Variants in RIF1 observed in about 807,000 individuals in gnomAD.
RIF1 encodes telomere-associated protein RIF1.
A neutral mutation model predicts 247.1 loss-of-function variants in RIF1; 45 were observed. The ratio of observed to expected loss-of-function variants is 0.18; its 90% CI spans 0.14 to 0.23. The LOEUF is 0.23. Ranked by LOEUF, RIF1 falls within the 10% of genes least tolerant of loss-of-function variation. The pLI is 1.00. For missense variants in RIF1, 2,967 were observed against 2,862.5 expected, an observed-to-expected ratio of 1.04 and a Z score of -0.83; for synonymous variants, 1,087 against 978.8, an observed-to-expected ratio of 1.11 and a Z score of -2.06.
intron 9 of RIF1, among the ~76,000 whole-genome samples, chr2:151,432,561 T>G (rs1690357263): frequency 6.6e-6 from 1 of 152,224 alleles, no homozygotes; most frequent in Admixed American, 6.5e-5. Flanking sequence ...AATAATTGAT[T>G]TTTAAAATGA....
intron 24 of RIF1, 81 bp from the exon 25 acceptor site, chr2:151,458,730 T>G (rs1216295134): frequency 1.7e-6 from 1 of 603,458 alleles, no homozygotes; most frequent in Non-Finnish European, 2.8e-6. Flanking sequence ...CTCTAAAAAT[T>G]AAAGTGCTGT....
chr2:151,412,065 A>G (rs1253663644), intron 3 of RIF1, among the ~76,000 whole-genome samples: 1 of 152,088 alleles, frequency 6.6e-6, no homozygotes, highest in Non-Finnish European at 1.5e-5. Context: ...GGTAGCATTA[A>G]TTTCTTTTTC....
intron 6 of RIF1, among the ~76,000 whole-genome samples, chr2:151,418,928 A>G (rs1361209091): frequency 7.2e-6 from 1 of 138,144 alleles, no homozygotes; most frequent in Non-Finnish European, 1.6e-5. Flanking sequence ...GTGCAAACAT[A>G]TTTTCCCTCG....
chr2:151,493,123 G>A (rs1025653181), intron 9 of RIF1: 4 of 482,078 alleles, frequency 8.3e-6, no homozygotes, highest in Non-Finnish European at 1.5e-5. Context: ...GTTATGTTTA[G>A]TATGATGGTT....
chr2:151,523,453 C>G, the RIF1 span, among the ~76,000 whole-genome samples: 3 of 152,172 alleles, frequency 2.0e-5, no homozygotes, highest in African/African-American at 7.2e-5. Context: ...TATCCCAAAC[C>G]TATTTCTTCA....
chr2:151,496,630 G>GAGTACGGTGCCTCCT (rs1353983171), intron 10 of RIF1, among the ~76,000 whole-genome samples: 1 of 151,938 alleles, frequency 6.6e-6, no homozygotes, highest in Admixed American at 6.6e-5. Flanking sequence ...TCATTTTTGT[G>GAGTACGGTGCCTCCT]AGTACGGTGC....
At position 151,433,191 on chromosome 2, in the gene RIF1, T is replaced by C. The variant is rs745571349; in HGVS notation, c.1040T>C (p.Met347Thr). ...TKLEVWWYLL[M>T]RLGPHLPANF... ...CTAGAAGTCTGGTGGTATTTACTGA[T>C]GAGACTTGGACCTCATCTTCCTGCT... Residue 347 changes from methionine to threonine, a missense_variant, in exon 10 of 36, where the codon ATG (methionine) becomes ACG (threonine). Around this residue, in one of 7 missense-constraint regions of RIF1, gnomAD observed 71 missense variants for 132.9 expected, o/e 0.53. Transcript: ENST00000444746. The C allele has an allele frequency of 4.8e-5, 78 of 1,613,194 alleles. No individual in the cohort carries two copies. Among genetic ancestry groups the C allele is most frequent in the Non-Finnish European group, 6.3e-5 (74 of 1,179,322 alleles).
chr2:151,493,937 G>T (rs961586976), intron 9 of RIF1: 9 of 1,133,366 alleles, frequency 7.9e-6, no homozygotes, highest in Non-Finnish European at 1.0e-5. Context: ...ATTGCAAGTT[G>T]GGGGGAAATG....
chr2:151,437,035 A>G, intron 12 of RIF1, 32 bp downstream of exon 12: 2 of 1,568,412 alleles, frequency 1.3e-6, no homozygotes, highest in Non-Finnish European at 1.7e-6. Flanking sequence ...AATTTTAATT[A>G]CTAAAACAGT....
In RIF1 at chr2:151,443,747, C is replaced by T. The variant is rs755108379; in HGVS notation, c.1986+38C>T. On this transcript the variant is annotated intron_variant, in intron 18 of 35. Coordinates refer to ENST00000444746, the MANE Select transcript of RIF1 (RefSeq NM_018151.5). ...TCTGCTACGTATTTTGGATAATAGA[C>T]CTTTTTTTTTTGTTAGTGCAGTTGG... The T allele has an allele frequency of 9.9e-6, 13 of 1,310,050 alleles. No individual in the cohort carries two copies. The African/African-American group carries it at 1.8e-4, about 18-fold the overall frequency. 81.2% of individuals were successfully genotyped at this position (1,310,050 alleles called of 1,614,324 possible).
At chr2:151,493,789 C>T in intron 9 of RIF1, 1 of 1,578,292 alleles carries the variant, frequency 6.3e-7, no homozygotes, top group Non-Finnish European at 8.6e-7. Context: ...CTAAAGTTTT[C>T]TTGATTGCGT....
At chr2:151,525,031 A>G in the RIF1 span, 1 of 734,920 alleles carries the variant, frequency 1.4e-6, no homozygotes, top group Non-Finnish European at 2.3e-6. Context: ...AACCCAAACC[A>G]ATTCTCGCCA....
At position 151,460,093 on chromosome 2, in the gene RIF1, AAAG is replaced by A. The variant is rs767265907; in HGVS notation, c.3052_3054del (p.Glu1018del). 21 of 1,568,368 alleles carry A rather than the reference AAAG, an allele frequency of 1.3e-5. No homozygotes were observed. The East Asian group carries it at 4.3e-4, about 32-fold the overall frequency. On this transcript the variant is annotated inframe_deletion, in exon 26 of 36. Coordinates refer to ENST00000444746, the MANE Select transcript of RIF1 (RefSeq NM_018151.5). ...ATTTTTGGCACAAACAAAGAATAAA[AAAG>A]AAAATATGAAACCAGCAGCCAAAGT...
the RIF1 span, chr2:151,529,131 A>C: frequency 1.1e-6 from 1 of 918,258 alleles, no homozygotes; most frequent in Non-Finnish European, 1.8e-6. Flanking sequence ...AATTGCCTGA[A>C]GAGATGTAAA....
intron 9 of RIF1, among the ~76,000 whole-genome samples, chr2:151,431,054 G>T (rs575197734): frequency 6.6e-6 from 1 of 152,154 alleles, no homozygotes; most frequent in African/African-American, 2.4e-5. Flanking sequence ...TAATGTTTGG[G>T]ACTACAATCT....
At chr2:151,440,393 A>G (rs888547678) in intron 15 of RIF1, among the ~76,000 whole-genome samples, 2 of 152,232 alleles carry the variant, frequency 1.3e-5, no homozygotes, top group Admixed American at 6.5e-5. Context: ...AGGGTAAAGG[A>G]CATGAAACTT....
intron 21 of RIF1, among the ~76,000 whole-genome samples, chr2:151,454,444 A>G (rs537383205): frequency 1.1e-4 from 16 of 152,274 alleles, no homozygotes; most frequent in East Asian, 9.6e-4. Flanking sequence ...GTAGGGATCA[A>G]TGTACTATAG....
downstream of RIF1, among the ~76,000 whole-genome samples, chr2:151,508,377 T>C (rs1209505642): frequency 6.6e-6 from 1 of 152,176 alleles, no homozygotes; most frequent in East Asian, 1.9e-4. Context: ...GGAACCTTGC[T>C]AGCTGGTCCA....
chr2:151,519,013 C>T, the RIF1 span: 781 of 1,613,740 alleles, frequency 4.8e-4, 2 homozygotes, highest in Non-Finnish European at 5.9e-4. Context: ...TGATCAGAGA[C>T]TCCTTCATGT....
Sources: gnomAD v4.1 joint callset for allele counts (sites outside exome capture counted in the v4.1 genomes callset) on GRCh38, gnomAD v4.1.1 for gene constraint, gnomAD v4.1.1 regional missense constraint, MANE v1.5 for transcripts, NCBI Gene and HGNC (gene_info 2026-07-23, HGNC 2026-07-21) for gene names.